GASK1B: variants seen among roughly 807,000 people sequenced by gnomAD.
GASK1B encodes the protein Golgi-associated kinase 1B.
GASK1B carries 34 observed loss-of-function variants against 42.8 expected under a neutral mutation model. The ratio of observed to expected loss-of-function variants is 0.79; its 90% CI spans 0.60 to 1.06. The LOEUF (loss-of-function observed/expected upper bound fraction) is 1.06. Among genes scored for constraint, GASK1B ranks in the 50% least tolerant of loss-of-function variants. GASK1B has a pLI of 0.00. For missense variants in GASK1B, 686 were observed against 661.0 expected (o/e 1.04, Z -0.42); for synonymous variants, 262 against 259.1 (o/e 1.01, Z -0.11).
chr4:158,154,714 G>T (rs1218588428), intron 3 of GASK1B, among the ~76,000 whole-genome samples: 3 of 152,180 alleles, frequency 2.0e-5, no homozygotes, highest in African/African-American at 7.2e-5. Context: ...CAGCAACCTG[G>T]ATAAAATTGG....
At chr4:158,128,004 G>A (rs752507689) in intron 4 of GASK1B, among the ~76,000 whole-genome samples, 4 of 151,922 alleles carry the variant, frequency 2.6e-5, no homozygotes, top group Admixed American at 6.5e-5. Context: ...TGTCAAGGTG[G>A]GATTTTATGC....
At chr4:158,135,912 T>C (rs188615217) in intron 3 of GASK1B, among the ~76,000 whole-genome samples, 1 of 152,252 alleles carries the variant, frequency 6.6e-6, no homozygotes. Context: ...TCTTTAGAGA[T>C]ACAATAAGTG....
At chr4:158,163,211 A>G (rs886638659) in intron 2 of GASK1B, among the ~76,000 whole-genome samples, 4 of 152,250 alleles carry the variant, frequency 2.6e-5, no homozygotes, top group Admixed American at 2.6e-4. Context: ...AAACCAACTA[A>G]GAAAATCTAA....
chr4:158,168,109 C>G (rs554785086), intron 2 of GASK1B, among the ~76,000 whole-genome samples: 46 of 152,224 alleles, frequency 3.0e-4, no homozygotes, highest in African/African-American at 1.0e-3. Context: ...CTTTGTGACT[C>G]TAAATGACTA....
chr4:158,150,908 A>T (rs1731531353), intron 3 of GASK1B, among the ~76,000 whole-genome samples: 1 of 152,096 alleles, frequency 6.6e-6, no homozygotes, highest in Non-Finnish European at 1.5e-5. Context: ...TCTCTCCTCC[A>T]TCAAAGTTCC....
intron 4 of GASK1B, among the ~76,000 whole-genome samples, chr4:158,130,361 T>A (rs1730629313): frequency 6.6e-6 from 1 of 152,236 alleles, no homozygotes; most frequent in Non-Finnish European, 1.5e-5. Flanking sequence ...TCATTATGAA[T>A]TTAGACATTC....
chr4:158,151,087 T>A (rs1011686346), intron 3 of GASK1B, among the ~76,000 whole-genome samples: 1 of 152,228 alleles, frequency 6.6e-6, no homozygotes, highest in East Asian at 1.9e-4. Context: ...TAGTTAACAA[T>A]GCAACAACGG....
intron 2 of GASK1B, among the ~76,000 whole-genome samples, chr4:158,161,113 C>CA (rs890845255): frequency 2.7e-5 from 4 of 149,866 alleles, no homozygotes; most frequent in East Asian, 1.9e-4. Context: ...ATGTTTCACC[C>CA]AAAAAAAATC....
In GASK1B at chr4:158,170,380, T is replaced by A. The variant is rs1444979224; in HGVS notation, c.910+86A>T. On this transcript the variant is annotated intron_variant, in intron 2 of 4. Transcript: ENST00000585682. ...AATGTGAACCGTGGGTGGAGAAAAA[T>A]CATTTAGAAAAAGAGAGTGAGGGAA... 4 of 1,613,766 alleles carry A rather than the reference T, an allele frequency of 2.5e-6. No individual in the cohort carries two copies. In the African/African-American group the frequency reaches 5.3e-5, roughly 22 times the overall value.
At chr4:158,153,798 G>C (rs576657393) in intron 3 of GASK1B, among the ~76,000 whole-genome samples, 13 of 152,260 alleles carry the variant, frequency 8.5e-5, no homozygotes, top group Non-Finnish European at 1.8e-4. Flanking sequence ...TAATTGGCAA[G>C]CCACATGTAG....
chr4:158,166,561 G>A (rs1489899568), intron 2 of GASK1B, among the ~76,000 whole-genome samples: 1 of 152,074 alleles, frequency 6.6e-6, no homozygotes, highest in Non-Finnish European at 1.5e-5. Context: ...TTAAATGTTT[G>A]TAAGAGTCCC....
intron 3 of GASK1B, among the ~76,000 whole-genome samples, chr4:158,148,089 C>T (rs866071342): frequency 1.8e-4 from 27 of 151,990 alleles, no homozygotes; most frequent in Admixed American, 4.6e-4. Context: ...TGGCATATGC[C>T]TGTTGTCCCA....
chr4:158,160,015 C>T (rs1168862248), intron 2 of GASK1B, among the ~76,000 whole-genome samples: 1 of 152,086 alleles, frequency 6.6e-6, no homozygotes, highest in Non-Finnish European at 1.5e-5. Context: ...AAGTCTTGAG[C>T]TCTGAAATCA....
chr4:158,130,536 C>T (rs1579005756), intron 4 of GASK1B, among the ~76,000 whole-genome samples: 1 of 152,162 alleles, frequency 6.6e-6, no homozygotes, highest in East Asian at 1.9e-4. Context: ...GAGAACCAAG[C>T]AACATCATGA....
In GASK1B at chr4:158,124,685, A is replaced by C. The variant is rs1483301587; in HGVS notation, c.*2722T>G. ...CTATGATTACAAGTCCAAAGATTACAAATATAATGATGATATCAAATATAT... is the reference window on the plus strand; with the variant it reads ...CTATGATTACAAGTCCAAAGATTACCAATATAATGATGATATCAAATATAT... On this transcript the variant is annotated 3_prime_UTR_variant, in exon 5 of 5. Transcript: ENST00000585682. 2 of 152,164 alleles carry C rather than the reference A, an allele frequency of 1.3e-5. No homozygotes were observed. Among genetic ancestry groups the C allele is most frequent in the African/African-American group, 4.8e-5 (2 of 41,450 alleles). The allele number at this position is 152,164 out of a possible 1,614,324, so 9.4% of individuals were successfully genotyped here.
intron 3 of GASK1B, among the ~76,000 whole-genome samples, chr4:158,142,853 T>C (rs1731189277): frequency 6.6e-6 from 1 of 152,164 alleles, no homozygotes; most frequent in Non-Finnish European, 1.5e-5. Context: ...ATTGAGAGTG[T>C]GAACTCTACA....
chr4:158,141,576 G>A (rs1224639343), intron 3 of GASK1B, among the ~76,000 whole-genome samples: 1 of 149,200 alleles, frequency 6.7e-6, no homozygotes, highest in Non-Finnish European at 1.5e-5. Context: ...GAGATTCATA[G>A]GTCAGTGCCT....
chr4:158,162,431 C>T (rs1031977046), intron 2 of GASK1B, among the ~76,000 whole-genome samples: 3 of 152,098 alleles, frequency 2.0e-5, no homozygotes, highest in Non-Finnish European at 2.9e-5. Context: ...TTCAGAATCC[C>T]CCAATGTTCA....
intron 3 of GASK1B, among the ~76,000 whole-genome samples, chr4:158,144,483 T>C (rs1441267076): frequency 6.6e-6 from 1 of 152,184 alleles, no homozygotes; most frequent in Non-Finnish European, 1.5e-5. Flanking sequence ...GCTTAGCATG[T>C]CCATACCCAA....
Sources: gnomAD v4.1 joint callset for allele counts (sites outside exome capture counted in the v4.1 genomes callset) on GRCh38, gnomAD v4.1.1 for gene constraint, MANE v1.5 for transcripts, NCBI Gene and HGNC (gene_info 2026-07-23, HGNC 2026-07-21) for gene names.